Variants in SDHAF3 observed in about 807,000 individuals in gnomAD.
The protein encoded by SDHAF3 is succinate dehydrogenase assembly factor 3, mitochondrial.
SDHAF3 carries 18 observed loss-of-function variants against 11.5 expected under a neutral mutation model. The ratio of observed to expected loss-of-function variants is 1.56; its 90% CI spans 1.08 to 2.32. SDHAF3 has a LOEUF of 2.32. Among genes scored for constraint, SDHAF3 ranks in the 30% most tolerant of loss-of-function variants. SDHAF3 has a pLI of 0.00. For missense variants in SDHAF3, 200 were observed against 154.4 expected, an observed-to-expected ratio of 1.30 and a Z score of -1.57; for synonymous variants, 72 against 59.3, an observed-to-expected ratio of 1.21 and a Z score of -0.99.
At chr7:97,140,796 T>C (rs1789022326) in intron 1 of SDHAF3, among the ~76,000 whole-genome samples, 1 of 151,930 alleles carries the variant, frequency 6.6e-6, no homozygotes, top group Non-Finnish European at 1.5e-5. Context: ...CTGCACAAAT[T>C]GTTTGTAGAG....
rs765043714 is a variant in SDHAF3, at chr7:97,117,812, T to C, written c.89T>C (p.Leu30Pro). The change falls in exon 1 of 2, where the codon CTG becomes CCG. Residue 30 changes from leucine to proline, a missense_variant. By Grantham distance (98) the Leu-to-Pro change is moderately conservative (BLOSUM62 -3). Coordinates refer to ENST00000432641, the MANE Select transcript of SDHAF3 (RefSeq NM_020186.3). ...GTTCTGCCCCCGGACCTCAAATCCC[T>C]GGGCGACCAGTACGTGAAAGACGAA... ...HRVLPPDLKS[L>P]GDQYVKDEFR... 4.7e-5 allele frequency: 76 copies of C among 1,614,064 alleles called. No homozygotes were observed. The highest frequency in any genetic ancestry group is 6.0e-5 in the Non-Finnish European group (71 of 1,180,038).
intron 1 of SDHAF3, among the ~76,000 whole-genome samples, chr7:97,177,773 G>A (rs1789703193): frequency 6.6e-6 from 1 of 152,012 alleles, no homozygotes; most frequent in African/African-American, 2.4e-5. Context: ...AATTTATTTG[G>A]TTCTTATAAT....
chr7:97,124,461 T>A (rs1328546253), intron 1 of SDHAF3, among the ~76,000 whole-genome samples: 1 of 152,202 alleles, frequency 6.6e-6, no homozygotes, highest in East Asian at 1.9e-4. Flanking sequence ...TGCTTAGGAT[T>A]GTCTTGGCTA....
intron 1 of SDHAF3, among the ~76,000 whole-genome samples, chr7:97,127,897 G>GC (rs1791599707): frequency 2.8e-5 from 3 of 106,262 alleles, no homozygotes; most frequent in Non-Finnish European, 5.4e-5. Flanking sequence ...TCTACATCAA[G>GC]TTTTTTTTTT....
chr7:97,144,351 T>C (rs1431829963), intron 1 of SDHAF3, among the ~76,000 whole-genome samples: 1 of 152,218 alleles, frequency 6.6e-6, no homozygotes. Flanking sequence ...TCTTTGTTTT[T>C]ATTGCATTTG....
intron 1 of SDHAF3, among the ~76,000 whole-genome samples, chr7:97,141,929 A>G (rs1439504150): frequency 2.0e-5 from 3 of 152,018 alleles, no homozygotes; most frequent in Admixed American, 6.6e-5. Flanking sequence ...GATGTTCAGT[A>G]AGTCTTTTTC....
chr7:97,161,979 T>C (rs191303131), intron 1 of SDHAF3, among the ~76,000 whole-genome samples: 1 of 152,338 alleles, frequency 6.6e-6, no homozygotes, highest in East Asian at 1.9e-4. Context: ...AAATGGTATT[T>C]CTAGTTCTAG....
chr7:97,176,437 T>A (rs1789680756), intron 1 of SDHAF3, among the ~76,000 whole-genome samples: 1 of 152,224 alleles, frequency 6.6e-6, no homozygotes, highest in Admixed American at 6.5e-5. Flanking sequence ...TATTTTTCTG[T>A]TCTGAGTCTC....
At chr7:97,170,867 A>G (rs138321906) in intron 1 of SDHAF3, among the ~76,000 whole-genome samples, 143 of 152,266 alleles carry the variant, frequency 9.4e-4, no homozygotes, top group Middle Eastern at 3.4e-3. Context: ...TGTATATCAA[A>G]GAGTTATATA....
intron 1 of SDHAF3, among the ~76,000 whole-genome samples, chr7:97,130,852 T>A (rs1791659936): frequency 6.6e-6 from 1 of 152,276 alleles, no homozygotes; most frequent in East Asian, 1.9e-4. Context: ...TTTTATGGGC[T>A]CAGAATGGAG....
intron 1 of SDHAF3, among the ~76,000 whole-genome samples, chr7:97,177,716 TTAAG>T (rs1789702417): frequency 6.6e-6 from 1 of 152,242 alleles, no homozygotes; most frequent in African/African-American, 2.4e-5. Context: ...CAGTCTACTA[TTAAG>T]TGACATTTAA....
intron 1 of SDHAF3, among the ~76,000 whole-genome samples, chr7:97,169,671 G>A (rs1386961582): frequency 1.3e-5 from 2 of 151,816 alleles, no homozygotes; most frequent in East Asian, 3.9e-4. Flanking sequence ...CAGATGAACA[G>A]GTAGTTAAAA....
intron 1 of SDHAF3, among the ~76,000 whole-genome samples, chr7:97,127,705 T>C (rs1020137503): frequency 2.6e-5 from 4 of 152,110 alleles, no homozygotes; most frequent in South Asian, 4.1e-4. Context: ...AGTTTTAGCT[T>C]GCAGGAGAAA....
intron 1 of SDHAF3, among the ~76,000 whole-genome samples, chr7:97,175,458 G>A (rs1265129252): frequency 2.6e-5 from 4 of 151,972 alleles, no homozygotes; most frequent in East Asian, 1.9e-4. Flanking sequence ...CTTTGTGTTC[G>A]TGAGTTCTCA....
intron 1 of SDHAF3, among the ~76,000 whole-genome samples, chr7:97,127,897 G>GTTTTTTT (rs920829054): frequency 3.8e-5 from 4 of 106,260 alleles, no homozygotes; most frequent in African/African-American, 7.9e-5. Context: ...TCTACATCAA[G>GTTTTTTT]TTTTTTTTTT....
chr7:97,181,327 C>G lies in SDHAF3; in HGVS notation c.*112C>G, dbSNP rs1789771475. 1.3e-6 allele frequency: 1 copy of G among 760,638 alleles called. No homozygotes were observed. Among genetic ancestry groups the G allele is most frequent in the Non-Finnish European group, 2.1e-6 (1 of 480,598 alleles). 47.1% of individuals were successfully genotyped at this position (760,638 alleles called of 1,614,324 possible). A position where few individuals can be genotyped will look rare whatever the true frequency, so the allele number is the denominator to read the frequency against. ...GAAAACACCTGTTATTAATGAAATA[C>G]TCTTTTATTTTGGATATTATGATTG... is the stretch of plus-strand genomic sequence containing the variant. On this transcript the variant is annotated 3_prime_UTR_variant, in exon 2 of 2. Coordinates refer to ENST00000432641, the MANE Select transcript of SDHAF3 (RefSeq NM_020186.3).
chr7:97,153,207 T>G (rs1562826625), intron 1 of SDHAF3, among the ~76,000 whole-genome samples: 1 of 152,230 alleles, frequency 6.6e-6, no homozygotes, highest in Non-Finnish European at 1.5e-5. Flanking sequence ...TTTTCTCACT[T>G]GTAATTTTTG....
At chr7:97,180,264 A>AGAT (rs1401659022) in intron 1 of SDHAF3, among the ~76,000 whole-genome samples, 1 of 152,226 alleles carries the variant, frequency 6.6e-6, no homozygotes, top group African/African-American at 2.4e-5. Context: ...ACTCACTTGA[A>AGAT]GATGTGTTAC....
chr7:97,179,395 T>G (rs1253203250), intron 1 of SDHAF3, among the ~76,000 whole-genome samples: 2 of 152,212 alleles, frequency 1.3e-5, no homozygotes, highest in Non-Finnish European at 2.9e-5. Context: ...GACTTGTAGC[T>G]TATTTGTTGT....
Sources: allele counts gnomAD v4.1 joint callset (sites outside exome capture counted in the v4.1 genomes callset), GRCh38; gene constraint gnomAD v4.1.1; transcripts MANE v1.5; gene names NCBI Gene and HGNC (gene_info 2026-07-23, HGNC 2026-07-21).